Variants in TMCC1 observed in about 807,000 individuals in gnomAD.
TMCC1 encodes transmembrane and coiled-coil domain family 1, also known as transmembrane and coiled-coil domains protein 1.
A neutral mutation model predicts 52.4 loss-of-function variants in TMCC1; 15 were observed. The observed-to-expected ratio is 0.29, with a 90% confidence interval of 0.19 to 0.44. TMCC1 has a LOEUF of 0.44. Ranked by LOEUF, TMCC1 falls within the 20% of genes least tolerant of loss-of-function variation. The pLI is 1.00. For synonymous variants in TMCC1, 279 were observed against 301.9 expected, an observed-to-expected ratio of 0.92 and a Z score of 0.79; for missense variants, 503 against 806.0, an observed-to-expected ratio of 0.62 and a Z score of 4.55.
At chr3:129,721,017 T>A (rs544138918) in intron 4 of TMCC1, among the ~76,000 whole-genome samples, 24 of 152,212 alleles carry the variant, frequency 1.6e-4, no homozygotes, top group African/African-American at 5.5e-4. Context: ...TAAGGTGGGG[T>A]GTTACACAGC....
intron 4 of TMCC1, among the ~76,000 whole-genome samples, chr3:129,711,386 A>T (rs2048671098): frequency 6.6e-6 from 1 of 152,200 alleles, no homozygotes. Context: ...AATTTTTATT[A>T]ATTTCATATT....
chr3:129,882,159 G>C (rs2061489253), intron 1 of TMCC1, among the ~76,000 whole-genome samples: 1 of 152,074 alleles, frequency 6.6e-6, no homozygotes, highest in Non-Finnish European at 1.5e-5. Context: ...AGAATATACA[G>C]AGAACTCTTA....
chr3:129,690,339 C>G (rs1275743765), intron 4 of TMCC1, among the ~76,000 whole-genome samples: 1 of 151,680 alleles, frequency 6.6e-6, no homozygotes, highest in Non-Finnish European at 1.5e-5. Context: ...AAAATAAAAT[C>G]TAGTAAGTTA....
chr3:129,776,557 AG>A (rs1488225236), intron 4 of TMCC1, among the ~76,000 whole-genome samples: 1 of 152,240 alleles, frequency 6.6e-6, no homozygotes, highest in Non-Finnish European at 1.5e-5. Context: ...CCAAATAGGA[AG>A]GGCCAGAGAA....
At chr3:129,754,930 T>C (rs2052860132) in intron 4 of TMCC1, among the ~76,000 whole-genome samples, 1 of 151,808 alleles carries the variant, frequency 6.6e-6, no homozygotes, top group Non-Finnish European at 1.5e-5. Flanking sequence ...ATACCAAAAT[T>C]AGCCAGGTGT....
chr3:129,651,691 G>A lies in TMCC1; in HGVS notation c.1752C>T (p.Asn584=). The A allele has an allele frequency of 1.2e-6, 2 of 1,614,208 alleles. No individual in the cohort carries two copies. The highest frequency in any genetic ancestry group is 8.5e-7 in the Non-Finnish European group (1 of 1,180,038). ...LEGLENATAR[N]LLGKLINILL... is the part of the protein sequence containing the mutation. Reference sequence around the variant, plus strand: ...GGATGTTGATGAGTTTGCCCAGAAGGTTCCGGGCAGTGGCATTCTCCAGCC... The same window carrying A: ...GGATGTTGATGAGTTTGCCCAGAAGATTCCGGGCAGTGGCATTCTCCAGCC... Residue 584 remains asparagine (N), a synonymous_variant, in exon 7 of 7, where the codon AAC becomes AAT. Coordinates refer to ENST00000393238, the MANE Select transcript of TMCC1 (RefSeq NM_001017395.5). The surrounding 1 kb of genome is among the most constrained non-coding windows in gnomAD (Gnocchi z 5.1).
chr3:129,884,889 T>C (rs182091582), intron 1 of TMCC1, among the ~76,000 whole-genome samples: 66 of 150,332 alleles, frequency 4.4e-4, no homozygotes, highest in African/African-American at 1.6e-3. Context: ...CCTGTAATCC[T>C]AGCATTTTGG....
intron 4 of TMCC1, among the ~76,000 whole-genome samples, chr3:129,796,548 A>G (rs1365664555): frequency 6.6e-6 from 1 of 152,192 alleles, no homozygotes; most frequent in African/African-American, 2.4e-5. Flanking sequence ...GGCCAGGTTC[A>G]GTGGCTCATA....
intron 4 of TMCC1, among the ~76,000 whole-genome samples, chr3:129,710,186 AAAACAAACAAAC>A (rs148176861): frequency 1.5e-4 from 22 of 151,354 alleles, no homozygotes; most frequent in Admixed American, 1.2e-3. Context: ...ATTCCATCTC[AAAACAAACAAAC>A]AAACAAACAA....
At chr3:129,760,454 CTGTGTGTGTGTGTGTGTGTG>C (rs61394124) in intron 4 of TMCC1, among the ~76,000 whole-genome samples, 40 of 129,050 alleles carry the variant, frequency 3.1e-4, no homozygotes, top group Admixed American at 1.7e-3. Flanking sequence ...CAGTCTCGCT[CTGTGTGTGTGTGTGTGTGTG>C]TGTGTGTGTG....
intron 4 of TMCC1, among the ~76,000 whole-genome samples, chr3:129,773,670 C>T (rs923966836): frequency 5.3e-5 from 8 of 152,138 alleles, no homozygotes; most frequent in African/African-American, 9.7e-5. Context: ...ACCGGCTGGG[C>T]GAGGTGGCTC....
intron 5 of TMCC1, among the ~76,000 whole-genome samples, chr3:129,661,455 C>T (rs965169239): frequency 4.6e-5 from 7 of 151,938 alleles, no homozygotes; most frequent in Non-Finnish European, 1.0e-4. Flanking sequence ...CAAACAAAAA[C>T]AGGAGTCCCA....
chr3:129,730,542 AT>A (rs1394361530), intron 4 of TMCC1, among the ~76,000 whole-genome samples: 1 of 152,166 alleles, frequency 6.6e-6, no homozygotes, highest in Non-Finnish European at 1.5e-5. Flanking sequence ...ATATGGCCTC[AT>A]CTTGGTTACT....
At chr3:129,799,930 T>TAC (rs1377924117) in intron 4 of TMCC1, among the ~76,000 whole-genome samples, 66 of 152,294 alleles carry the variant, frequency 4.3e-4, no homozygotes, top group African/African-American at 1.6e-3. Context: ...TATATATATA[T>TAC]ACACACACTC....
chr3:129,866,151 A>G (rs536259828), intron 2 of TMCC1, among the ~76,000 whole-genome samples: 18 of 151,638 alleles, frequency 1.2e-4, no homozygotes. Flanking sequence ...TAAACTTACG[A>G]TTATGAAATA....
intron 4 of TMCC1, among the ~76,000 whole-genome samples, chr3:129,724,703 A>C (rs1016460109): frequency 6.6e-6 from 1 of 152,208 alleles, no homozygotes; most frequent in African/African-American, 2.4e-5. Context: ...CCAGAACATG[A>C]ATTTTCTACC....
At chr3:129,812,896 AGAAAATACTT>A (rs1435260925) in intron 4 of TMCC1, among the ~76,000 whole-genome samples, 3 of 152,184 alleles carry the variant, frequency 2.0e-5, no homozygotes, top group Non-Finnish European at 2.9e-5. Flanking sequence ...ACAGAAGGGG[AGAAAATACTT>A]GAAAATACTT....
At chr3:129,793,577 C>A (rs909098142) in intron 4 of TMCC1, among the ~76,000 whole-genome samples, 1 of 152,170 alleles carries the variant, frequency 6.6e-6, no homozygotes, top group African/African-American at 2.4e-5. Context: ...TCAACTCTTA[C>A]CACACCTCTT....
chr3:129,858,095 T>C (rs538633246), intron 2 of TMCC1, among the ~76,000 whole-genome samples: 1 of 150,348 alleles, frequency 6.7e-6, no homozygotes, highest in South Asian at 2.1e-4. Context: ...CTGAACACCA[T>C]CCTTTTCACA....
Sources: allele counts gnomAD v4.1 joint callset (sites outside exome capture counted in the v4.1 genomes callset), GRCh38; gene constraint gnomAD v4.1.1; non-coding constraint Gnocchi (gnomAD v3.1); transcripts MANE v1.5; gene names NCBI Gene and HGNC (gene_info 2026-07-23, HGNC 2026-07-21).